Variants in DLG2 observed in about 807,000 individuals in gnomAD.
DLG2 encodes the protein disks large homolog 2.
DLG2 carries 45 observed loss-of-function variants against 132.5 expected under a neutral mutation model. That is an observed-to-expected ratio of 0.34 (90% confidence interval 0.27 to 0.44). DLG2 has a LOEUF of 0.44. Ranked by LOEUF, DLG2 falls within the 20% of genes least tolerant of loss-of-function variation. The probability of loss-of-function intolerance (pLI) is 1.00; values close to 1 mark genes in which losing one functional copy is unlikely to be tolerated. For missense variants in DLG2, 1,045 were observed against 1,196.9 expected (o/e 0.87, Z 1.87); for synonymous variants, 424 against 419.6 (o/e 1.01, Z -0.13).
chr11:85,479,539 C>T (rs2093235150), intron 3 of DLG2, among the ~76,000 whole-genome samples: 1 of 152,174 alleles, frequency 6.6e-6, no homozygotes, highest in South Asian at 2.1e-4. Context: ...AATATAAACA[C>T]TTATGAATCA....
intron 7 of DLG2, among the ~76,000 whole-genome samples, chr11:84,254,833 A>T (rs1268194244): frequency 3.3e-5 from 5 of 152,180 alleles, no homozygotes; most frequent in African/African-American, 1.2e-4. Context: ...TGCCAAAGGG[A>T]TCCAGAAGCC....
chr11:85,615,692 A>AATC (rs761323986), intron 2 of DLG2, among the ~76,000 whole-genome samples: 31 of 152,220 alleles, frequency 2.0e-4, no homozygotes, highest in Admixed American at 6.5e-5. Flanking sequence ...TATATATTAG[A>AATC]TGATTTACAA....
intron 18 of DLG2, chr11:83,693,717 T>C (rs2081389801): frequency 6.6e-6 from 1 of 152,218 alleles, no homozygotes; most frequent in African/African-American, 2.4e-5. Context: ...TTGATTGCTA[T>C]TGTCTCTCTT....
intron 17 of DLG2, among the ~76,000 whole-genome samples, chr11:83,832,512 C>A (rs2054841341): frequency 6.6e-6 from 1 of 152,094 alleles, no homozygotes; most frequent in African/African-American, 2.4e-5. Context: ...GAACAGAAAG[C>A]CAAATACCAC....
chr11:84,650,902 A>AT (rs2099681301), intron 6 of DLG2, among the ~76,000 whole-genome samples: 2 of 78,982 alleles, frequency 2.5e-5, no homozygotes, highest in Middle Eastern at 6.3e-3. Flanking sequence ...TATATATATA[A>AT]AATTTTTGTG....
At chr11:83,581,507 T>C (rs1432025496) in intron 19 of DLG2, among the ~76,000 whole-genome samples, 4 of 152,314 alleles carry the variant, frequency 2.6e-5, no homozygotes, top group Admixed American at 1.3e-4. Flanking sequence ...AAATACATTC[T>C]TGCAAGAAGA....
At chr11:84,251,426 T>C (rs997076759) in intron 7 of DLG2, 135 bp from the exon 8 acceptor site, 16 of 554,974 alleles carry the variant, frequency 2.9e-5, no homozygotes, top group Non-Finnish European at 4.0e-5. Context: ...CAAGTGTTAG[T>C]AGGGTAAATA....
At chr11:84,156,468 C>A (rs1456757347) in intron 9 of DLG2, among the ~76,000 whole-genome samples, 1 of 152,156 alleles carries the variant, frequency 6.6e-6, no homozygotes, top group Non-Finnish European at 1.5e-5. Flanking sequence ...TGACTATCAG[C>A]TACCTTATTT....
At chr11:84,010,327 C>T (rs1486846918) in intron 11 of DLG2, among the ~76,000 whole-genome samples, 2 of 133,980 alleles carry the variant, frequency 1.5e-5, no homozygotes, top group Non-Finnish European at 1.7e-5. Context: ...TTTTTGAGAC[C>T]GGATCTAACT....
chr11:85,189,176 G>C (rs919989684), intron 4 of DLG2, among the ~76,000 whole-genome samples: 1 of 152,140 alleles, frequency 6.6e-6, no homozygotes, highest in South Asian at 2.1e-4. Flanking sequence ...CTAAAAGACA[G>C]TGGAATTATA....
chr11:84,402,909 A>G (rs1441496643), intron 7 of DLG2, among the ~76,000 whole-genome samples: 1 of 151,196 alleles, frequency 6.6e-6, no homozygotes, highest in Non-Finnish European at 1.5e-5. Context: ...AAATTAACTC[A>G]GAATTCATTA....
At chr11:85,484,015 G>A (rs1025415369) in intron 3 of DLG2, among the ~76,000 whole-genome samples, 9 of 152,144 alleles carry the variant, frequency 5.9e-5, no homozygotes, top group Non-Finnish European at 1.2e-4. Flanking sequence ...AGCCCAAAGC[G>A]GGTGGTAAAC....
intron 4 of DLG2, among the ~76,000 whole-genome samples, chr11:85,276,854 C>T (rs1313727591): frequency 1.3e-5 from 2 of 152,066 alleles, no homozygotes; most frequent in Non-Finnish European, 2.9e-5. Context: ...AAATATAATA[C>T]TTGATATTAA....
intron 10 of DLG2, among the ~76,000 whole-genome samples, chr11:84,083,286 T>C (rs1332129851): frequency 2.6e-5 from 4 of 151,538 alleles, no homozygotes. Context: ...TCTTGGAAAA[T>C]AAAAAAGAAA....
At chr11:84,783,865 A>G (rs1249967268) in intron 6 of DLG2, among the ~76,000 whole-genome samples, 2 of 152,110 alleles carry the variant, frequency 1.3e-5, no homozygotes, top group Non-Finnish European at 1.5e-5. Context: ...CAGTAAACAT[A>G]TATGTTAAGC....
chr11:83,490,159 T>G (rs2093757103), intron 21 of DLG2, among the ~76,000 whole-genome samples: 1 of 151,898 alleles, frequency 6.6e-6, no homozygotes, highest in Non-Finnish European at 1.5e-5. Flanking sequence ...AAGGTGAGTC[T>G]GAAACATTTC....
At chr11:84,656,447 T>C (rs2099688392) in intron 6 of DLG2, among the ~76,000 whole-genome samples, 1 of 152,098 alleles carries the variant, frequency 6.6e-6, no homozygotes, top group South Asian at 2.1e-4. Flanking sequence ...TTAGAAAAAC[T>C]TTATCATACG....
intron 4 of DLG2, among the ~76,000 whole-genome samples, chr11:85,233,426 C>T (rs2075405516): frequency 1.3e-5 from 2 of 151,914 alleles, no homozygotes; most frequent in South Asian, 4.1e-4. Context: ...GTCAGCCTCA[C>T]TGTTTACTTC....
rs377460835 is a variant in DLG2, at chr11:83,459,881, G to A, written c.2865C>T (p.Cys955=). 3.7e-6 allele frequency: 6 copies of A among 1,611,168 alleles called. No individual in the cohort carries two copies. In the African/African-American group the frequency reaches 6.7e-5, roughly 18 times the overall value. ...GDTLEDIYNQ[C]KLVIEEQSGP... ...CAGATTGCTCTTCAATAACAAGCTTGCATTGGTTATATATATCTTCTAAAG... is the reference window on the plus strand; with the variant it reads ...CAGATTGCTCTTCAATAACAAGCTTACATTGGTTATATATATCTTCTAAAG... The change falls in exon 28 of 28, where the codon TGC becomes TGT. Residue 955 remains cysteine (C), a synonymous_variant. Transcript: ENST00000376104.
Sources: gnomAD v4.1 joint callset for allele counts (sites outside exome capture counted in the v4.1 genomes callset) on GRCh38, gnomAD v4.1.1 for gene constraint, MANE v1.5 for transcripts, NCBI Gene and HGNC (gene_info 2026-07-23, HGNC 2026-07-21) for gene names.